The following SCHIP1 variants were observed in gnomAD, a reference collection of about 807,000 sequenced individuals.
SCHIP1 encodes the protein schwannomin interacting protein 1.
A neutral mutation model predicts 29.7 loss-of-function variants in SCHIP1; 8 were observed. That is an observed-to-expected ratio of 0.27 (90% confidence interval 0.16 to 0.49). The LOEUF is 0.49. Ranked by LOEUF, SCHIP1 falls within the 20% of genes least tolerant of loss-of-function variation. SCHIP1 has a pLI of 0.99. For missense variants in SCHIP1, 193 were observed against 294.6 expected (o/e 0.66, Z 2.52); for synonymous variants, 76 against 94.9 (o/e 0.80, Z 1.16).
At chr3:159,364,292 G>A in the SCHIP1 span, among the ~76,000 whole-genome samples, 1 of 152,132 alleles carries the variant, frequency 6.6e-6, no homozygotes. Context: ...TGAGCACATA[G>A]TAGACATTCA....
the SCHIP1 span, among the ~76,000 whole-genome samples, chr3:159,505,398 A>C: frequency 3.9e-5 from 6 of 152,230 alleles, no homozygotes; most frequent in Admixed American, 3.9e-4. Flanking sequence ...CAAAACAATT[A>C]CGAAGGAGAA....
chr3:159,680,516 AAT>A, the SCHIP1 span, among the ~76,000 whole-genome samples: 1 of 124,354 alleles, frequency 8.0e-6, no homozygotes, highest in East Asian at 2.1e-4. Flanking sequence ...TCAAAAAAAA[AAT>A]ATATATATAT....
At chr3:159,608,028 C>T in the SCHIP1 span, among the ~76,000 whole-genome samples, 34 of 152,212 alleles carry the variant, frequency 2.2e-4, 1 homozygote, top group East Asian at 6.0e-3. Flanking sequence ...ACATGAGCCA[C>T]AGGAATTCAC....
At chr3:159,542,190 T>C in the SCHIP1 span, among the ~76,000 whole-genome samples, 2 of 152,112 alleles carry the variant, frequency 1.3e-5, no homozygotes, top group African/African-American at 4.8e-5. Flanking sequence ...AAATAGCCTT[T>C]CTTATTTCAC....
At chr3:159,583,907 G>A in the SCHIP1 span, among the ~76,000 whole-genome samples, 10 of 152,044 alleles carry the variant, frequency 6.6e-5, no homozygotes, top group East Asian at 1.9e-4. Context: ...TTATTCTCTC[G>A]CTGAGTACTT....
At chr3:159,504,249 A>T in the SCHIP1 span, among the ~76,000 whole-genome samples, 1 of 152,114 alleles carries the variant, frequency 6.6e-6, no homozygotes, top group Non-Finnish European at 1.5e-5. Flanking sequence ...AGTACTGGAG[A>T]TTATAAGTGT....
chr3:159,764,766 C>A, the SCHIP1 span: 1 of 1,571,710 alleles, frequency 6.4e-7, no homozygotes, highest in Non-Finnish European at 8.6e-7. This position sits in a 1 kb window ranked among gnomAD's most constrained non-coding sequence, Gnocchi z 6.1. Context: ...GCGCCAGGAC[C>A]CGCAGCGGCG....
the SCHIP1 span, among the ~76,000 whole-genome samples, chr3:159,371,396 A>C: frequency 1.3e-5 from 2 of 152,184 alleles, no homozygotes; most frequent in Non-Finnish European, 2.9e-5. Context: ...TAACTCTTCT[A>C]CAGAAGGGAC....
At chr3:159,391,267 G>T in the SCHIP1 span, among the ~76,000 whole-genome samples, 1 of 152,080 alleles carries the variant, frequency 6.6e-6, no homozygotes, top group Non-Finnish European at 1.5e-5. Context: ...CAATCCTGAT[G>T]AATTCATGAA....
At chr3:159,413,050 T>C in the SCHIP1 span, among the ~76,000 whole-genome samples, 2 of 152,296 alleles carry the variant, frequency 1.3e-5, no homozygotes, top group African/African-American at 4.8e-5. Context: ...CTTCTTCCCA[T>C]GGCAGCAGGA....
chr3:159,510,126 T>C, the SCHIP1 span, among the ~76,000 whole-genome samples: 1,232 of 152,366 alleles, frequency 8.1e-3, 15 homozygotes, highest in African/African-American at 0.028. Flanking sequence ...AGATTTGGTC[T>C]TTTCACATAG....
At chr3:159,652,785 T>C in the SCHIP1 span, among the ~76,000 whole-genome samples, 1 of 152,216 alleles carries the variant, frequency 6.6e-6, no homozygotes, top group Non-Finnish European at 1.5e-5. Flanking sequence ...TGAGGTGATC[T>C]TTAAAATTGA....
chr3:159,481,986 A>G, the SCHIP1 span, among the ~76,000 whole-genome samples: 47 of 152,062 alleles, frequency 3.1e-4, no homozygotes, highest in African/African-American at 1.1e-3. Flanking sequence ...TTTTTGGTCA[A>G]TTTGTGTGTT....
the SCHIP1 span, among the ~76,000 whole-genome samples, chr3:159,603,588 A>G: frequency 6.6e-6 from 1 of 152,156 alleles, no homozygotes; most frequent in African/African-American, 2.4e-5. Context: ...CTATGCCAGG[A>G]AACTGGGGAG....
the SCHIP1 span, among the ~76,000 whole-genome samples, chr3:159,366,040 G>C: frequency 6.6e-6 from 1 of 152,250 alleles, no homozygotes; most frequent in Admixed American, 6.5e-5. Context: ...AAGTTTAATT[G>C]GCTCATGGCT....
intron 6 of SCHIP1, 112 bp downstream of exon 7, chr3:159,892,302 T>C: frequency 8.1e-7 from 1 of 1,235,492 alleles, no homozygotes; most frequent in African/African-American, 1.5e-5. Flanking sequence ...CATAAATAAC[T>C]CACCTAGCCT....
At chr3:159,881,844 T>C (rs1015422161) in intron 2 of SCHIP1, among the ~76,000 whole-genome samples, 1 of 152,224 alleles carries the variant, frequency 6.6e-6, no homozygotes, top group African/African-American at 2.4e-5. Flanking sequence ...GAGCTGGGCT[T>C]GGACAGGCTT....
chr3:159,828,765 G>A, the SCHIP1 span, among the ~76,000 whole-genome samples: 1 of 152,082 alleles, frequency 6.6e-6, no homozygotes, highest in East Asian at 1.9e-4. Flanking sequence ...TACTGCTTTA[G>A]CAAAATGCAT....
At chr3:159,586,676 C>T in the SCHIP1 span, among the ~76,000 whole-genome samples, 39 of 152,226 alleles carry the variant, frequency 2.6e-4, 2 homozygotes, top group African/African-American at 9.1e-4. Flanking sequence ...CCTGCCTCTG[C>T]CCCTGGGTTG....
Sources: allele counts gnomAD v4.1 joint callset (sites outside exome capture counted in the v4.1 genomes callset), GRCh38; gene constraint gnomAD v4.1.1; non-coding constraint Gnocchi (gnomAD v3.1); transcripts MANE v1.5; gene names NCBI Gene and HGNC (gene_info 2026-07-23, HGNC 2026-07-21).